The following ZNF71 variants were observed in gnomAD, a reference collection of about 807,000 sequenced individuals.
ZNF71 encodes the protein zinc finger protein 71, also known as endothelial zinc finger protein induced by tumor necrosis factor alpha.
A neutral mutation model predicts 6.7 loss-of-function variants in ZNF71; 3 were observed. The observed-to-expected ratio is 0.45, with a 90% CI of 0.20 to 1.16. The LOEUF is 1.16. Ranked by LOEUF, ZNF71 falls within the 50% of genes most tolerant of loss-of-function variation. ZNF71 has a pLI of 0.25. For synonymous variants in ZNF71, 343 were observed against 311.1 expected (o/e 1.10, Z -1.08); for missense variants, 688 against 728.6 (o/e 0.94, Z 0.64).
chr19:56,604,602 A>C (rs972607207), intron 2 of ZNF71, among the ~76,000 whole-genome samples: 1 of 152,336 alleles, frequency 6.6e-6, no homozygotes, highest in African/African-American at 2.4e-5. Context: ...TAGAAAGAGA[A>C]AGACAGTTGT....
Position 56,603,787 on chromosome 19 carries a change from T to C in ZNF71, c.33+2196T>C, listed in dbSNP as rs1019596036. 7.3e-5 allele frequency among the ~76,000 whole-genome samples: 11 copies of C among 151,270 alleles called. No individual in the cohort carries two copies. The highest frequency in any genetic ancestry group is 2.2e-4 in the African/African-American group (9 of 40,662). ...GGGTTGGGAGTTTTGGTTTAAGTTT[T>C]TTTTTTTTTTAATTACTACTAGTGT... is the stretch of plus-strand genomic sequence containing the variant. On this transcript the variant is annotated intron_variant, in intron 2 of 3. Transcript: ENST00000599599. The surrounding 1 kb of genome is among the most constrained non-coding windows in gnomAD (Gnocchi z 4.6).
chr19:56,609,297 C>T (rs1198308980), intron 2 of ZNF71, among the ~76,000 whole-genome samples: 1 of 152,248 alleles, frequency 6.6e-6, no homozygotes, highest in East Asian at 1.9e-4. Flanking sequence ...GTATAATTCA[C>T]GTATCGTAAA....
At chr19:56,614,803 A>G (rs1280079741) in intron 3 of ZNF71, among the ~76,000 whole-genome samples, 1 of 152,222 alleles carries the variant, frequency 6.6e-6, no homozygotes, top group Non-Finnish European at 1.5e-5. Context: ...ATACCCAGGA[A>G]ACCATCACCA....
In ZNF71 at chr19:56,622,990, C is replaced by G; in HGVS notation, c.*233C>G. 1.7e-6 allele frequency: 1 copy of G among 595,408 alleles called. No individual in the cohort carries two copies. Among genetic ancestry groups the G allele is most frequent in the Non-Finnish European group, 3.0e-6 (1 of 336,934 alleles). The allele number at this position is 595,408 out of a possible 1,614,324, so 36.9% of individuals were successfully genotyped here. ...GTATCTGGGGACACTTCAAGGTTCA[C>G]TGTAGCTGAGCCATGGCCGCTGGTA... On this transcript the variant is annotated 3_prime_UTR_variant, in exon 4 of 4. Coordinates refer to ENST00000599599, the MANE Select transcript of ZNF71 (RefSeq NM_001370215.1).
In ZNF71 at chr19:56,622,616, C is replaced by A. The variant is rs768224303; in HGVS notation, c.1509C>A (p.Cys503Ter). ...TGEKPYRCGQ[C>*]GKSFIKNSSL... ...AGAAGCCGTACAGGTGCGGCCAGTG[C>A]GGGAAGTCCTTCATCAAGAACTCCT... The change falls in exon 4 of 4, where the codon TGC (cysteine) becomes TGA (stop). Residue 503 changes from cysteine (C) to a stop codon, truncating the protein, a stop_gained. Coordinates refer to ENST00000599599, the MANE Select transcript of ZNF71 (RefSeq NM_001370215.1). LOFTEE classifies it low-confidence loss of function (END_TRUNC). The A allele has an allele frequency of 6.2e-7, 1 of 1,613,520 alleles. No individual in the cohort carries two copies. The highest frequency in any genetic ancestry group is 8.5e-7 in the Non-Finnish European group (1 of 1,179,566).
At chr19:56,604,053 G>C (rs2044691561) in intron 2 of ZNF71, among the ~76,000 whole-genome samples, 1 of 145,094 alleles carries the variant, frequency 6.9e-6, no homozygotes, top group Non-Finnish European at 1.5e-5. Flanking sequence ...TGCCAGTCTG[G>C]GCTTGGTGCC....
chr19:56,601,672 C>T (rs2044671797), intron 2 of ZNF71, 81 bp downstream of exon 2: 2 of 910,746 alleles, frequency 2.2e-6, no homozygotes, highest in Non-Finnish European at 2.6e-6. Flanking sequence ...GAACCCTCTC[C>T]AAGGCCCCCA....
chr19:56,614,597 C>A (rs868155262), intron 3 of ZNF71, among the ~76,000 whole-genome samples: 1 of 152,202 alleles, frequency 6.6e-6, no homozygotes, highest in Non-Finnish European at 1.5e-5. Context: ...GGAAACCAGG[C>A]AGCTCTTCAA....
intron 1 of ZNF71, among the ~76,000 whole-genome samples, chr19:56,596,919 C>T (rs1396901167): frequency 1.3e-5 from 2 of 152,164 alleles, no homozygotes; most frequent in Non-Finnish European, 2.9e-5. Context: ...TGCCAAAAAG[C>T]TCAGAGGAAG....
intron 2 of ZNF71, chr19:56,610,179 C>G (rs1413057118): frequency 1.3e-5 from 2 of 152,166 alleles, no homozygotes; most frequent in Non-Finnish European, 2.9e-5. Context: ...TAAGGTAACT[C>G]TGTGTTTATT....
At position 56,621,351 on chromosome 19, in the gene ZNF71, A is replaced by G. The variant is rs912641647; in HGVS notation, c.244A>G (p.Thr82Ala). Residue 82 changes from threonine (T) to alanine (A), a missense_variant, in exon 4 of 4, where the codon ACG (threonine) becomes GCG (alanine). Transcript: ENST00000599599. ...EDKLSVVGEA[T>A]GGPTRNGARG... ...CAAGCTCTCCGTTGTTGGGGAGGCCACGGGGGGACCCACGAGGAATGGTGC... is the reference window on the plus strand; with the variant it reads ...CAAGCTCTCCGTTGTTGGGGAGGCCGCGGGGGGACCCACGAGGAATGGTGC... The G allele has an allele frequency of 3.8e-6, 6 of 1,568,526 alleles. No homozygotes were observed. The African/African-American group carries it at 8.2e-5, about 21-fold the overall frequency.
rs1188635655 is a variant in ZNF71, at chr19:56,598,872, CTCT to C, written c.-52-2630_-52-2628del. Reference sequence around the variant, plus strand: ...TTGGGGCCATTTGGCCTAAGAAAGGCTCTTCTTTGTCTTAGTGGTTCTTACGCT... The same window carrying C: ...TTGGGGCCATTTGGCCTAAGAAAGGCTCTTTGTCTTAGTGGTTCTTACGCT... On this transcript the variant is annotated intron_variant, in intron 1 of 3. Coordinates refer to ENST00000599599, the MANE Select transcript of ZNF71 (RefSeq NM_001370215.1). This position sits in a 1 kb window ranked among gnomAD's most constrained non-coding sequence, Gnocchi z 4.2. 7.2e-5 allele frequency among the ~76,000 whole-genome samples: 11 copies of C among 152,348 alleles called. No individual in the cohort carries two copies. The highest frequency in any genetic ancestry group is 1.0e-4 in the Non-Finnish European group (7 of 68,040).
In ZNF71 at chr19:56,615,166, T is replaced by C. The variant is rs145489042; in HGVS notation, c.160+1228T>C. On this transcript the variant is annotated intron_variant, in intron 3 of 3. Coordinates refer to ENST00000599599, the MANE Select transcript of ZNF71 (RefSeq NM_001370215.1). ...TGATCAACATTTGGGTCATTTCCAG[T>C]TCTGGGCTATTACAAATAAAGCTGC... 2.8e-4 allele frequency among the ~76,000 whole-genome samples: 43 copies of C among 152,356 alleles called. No homozygotes were observed. The East Asian group carries it at 7.7e-3, about 27-fold the overall frequency.
intron 3 of ZNF71, among the ~76,000 whole-genome samples, chr19:56,616,561 T>G (rs1196440857): frequency 6.6e-6 from 1 of 152,264 alleles, no homozygotes; most frequent in Admixed American, 6.5e-5. Flanking sequence ...TTCCCAGCCC[T>G]GTGTCAGCTC....
intron 2 of ZNF71, chr19:56,609,868 G>C (rs534202680): frequency 1.3e-5 from 2 of 151,906 alleles, no homozygotes; most frequent in Non-Finnish European, 2.9e-5. Context: ...TGAGGCATAC[G>C]ATATGGATTT....
In ZNF71 at chr19:56,621,593, T is replaced by C; in HGVS notation, c.486T>C (p.Cys162=). The change falls in exon 4 of 4, where the codon TGT becomes TGC. Residue 162 remains cysteine (C), a synonymous_variant. Coordinates refer to ENST00000599599, the MANE Select transcript of ZNF71 (RefSeq NM_001370215.1). ...RLDDPTEKGA[C]PPVRRGKNFS... is the part of the protein sequence containing the mutation. ...ACGACCCCACAGAAAAGGGGGCCTG[T>C]CCACCCGTAAGGCGTGGCAAGAACT... The C allele has an allele frequency of 1.9e-6, 3 of 1,614,196 alleles. No homozygotes were observed. Among genetic ancestry groups the C allele is most frequent in the Non-Finnish European group, 2.5e-6 (3 of 1,180,022 alleles).
rs1407134061 is a variant in ZNF71, at chr19:56,598,374, G to C, written c.-53+2946G>C. Among the ~76,000 whole-genome samples the C allele has an allele frequency of 6.6e-6, 1 of 152,120 alleles. No individual in the cohort carries two copies. Among genetic ancestry groups the C allele is most frequent in the African/African-American group, 2.4e-5 (1 of 41,422 alleles). On this transcript the variant is annotated intron_variant, in intron 1 of 3. Coordinates refer to ENST00000599599, the MANE Select transcript of ZNF71 (RefSeq NM_001370215.1). This position sits in a 1 kb window ranked among gnomAD's most constrained non-coding sequence, Gnocchi z 4.2. ...AGGCCATCAGGGGCACATCATAAGG[G>C]CTATGTGGGCAGCAGTGAAGACTTT...
chr19:56,614,931 CTGTGGTTG>C (rs2044779135), intron 3 of ZNF71, among the ~76,000 whole-genome samples: 1 of 152,148 alleles, frequency 6.6e-6, no homozygotes, highest in African/African-American at 2.4e-5. Flanking sequence ...CTTTATGTCA[CTGTGGTTG>C]AGTTTACCTG....
At position 56,598,340 on chromosome 19, in the gene ZNF71, G is replaced by T. The variant is rs993997517; in HGVS notation, c.-53+2912G>T. Among the ~76,000 whole-genome samples the T allele has an allele frequency of 1.3e-5, 2 of 152,188 alleles. No individual in the cohort carries two copies. Among genetic ancestry groups the T allele is most frequent in the Middle Eastern group, 3.4e-3 (1 of 294 alleles). On this transcript the variant is annotated intron_variant, in intron 1 of 3. Coordinates refer to ENST00000599599, the MANE Select transcript of ZNF71 (RefSeq NM_001370215.1). This position sits in a 1 kb window ranked among gnomAD's most constrained non-coding sequence, Gnocchi z 4.2. ...ATGGGAGAGGGGAGTAGAGGAGATGGAAGGGGAGAGGCCATCAGGGGCACA... is the reference window on the plus strand; with the variant it reads ...ATGGGAGAGGGGAGTAGAGGAGATGTAAGGGGAGAGGCCATCAGGGGCACA...
Sources: gnomAD v4.1 joint callset for allele counts (sites outside exome capture counted in the v4.1 genomes callset) on GRCh38, gnomAD v4.1.1 for gene constraint, Gnocchi (gnomAD v3.1) non-coding constraint, MANE v1.5 for transcripts, NCBI Gene and HGNC (gene_info 2026-07-23, HGNC 2026-07-21) for gene names.